The following TEX101 variants were observed in gnomAD, a reference collection of about 807,000 sequenced individuals.
TEX101 encodes testis-expressed protein 101.
In TEX101, 10 loss-of-function variants were observed where a neutral mutation model predicts 18.1. The observed-to-expected ratio is 0.55, with a 90% CI of 0.34 to 0.94. The LOEUF is 0.94. Among genes scored for constraint, TEX101 ranks in the 40% least tolerant of loss-of-function variants. The pLI is 0.02. For missense variants in TEX101, 259 were observed against 298.9 expected (o/e 0.87, Z 0.98); for synonymous variants, 94 against 114.8 (o/e 0.82, Z 1.16).
chr19:43,404,951 A>G (rs929856639), intron 2 of TEX101, among the ~76,000 whole-genome samples: 2 of 152,292 alleles, frequency 1.3e-5, no homozygotes, highest in Admixed American at 1.3e-4. Flanking sequence ...AGAACTGATC[A>G]CAGATAGAAG....
chr19:43,395,823 G>A, the TEX101 span, among the ~76,000 whole-genome samples: 1 of 152,224 alleles, frequency 6.6e-6, no homozygotes, highest in Non-Finnish European at 1.5e-5. Context: ...TCAGGTCCAG[G>A]TGTTGCTCAT....
Position 43,404,676 on chromosome 19 carries a change from T to C in TEX101, c.-282-1547T>C, listed in dbSNP as rs1970346185. ...ATACATGTGTATGTATGTGTGTGCGTGTATCCTAATTATTTGCCTGTGTAT... is the reference window on the plus strand; with the variant it reads ...ATACATGTGTATGTATGTGTGTGCGCGTATCCTAATTATTTGCCTGTGTAT... On this transcript the variant is annotated intron_variant, in intron 2 of 7. Coordinates refer to the TEX101 transcript ENST00000602198. Among the ~76,000 whole-genome samples the C allele has an allele frequency of 2.0e-5, 3 of 151,878 alleles. No individual in the cohort carries two copies. In the South Asian group the frequency reaches 6.2e-4, roughly 31 times the overall value.
the TEX101 span, among the ~76,000 whole-genome samples, chr19:43,391,644 C>T: frequency 1.3e-5 from 2 of 152,088 alleles, no homozygotes; most frequent in Admixed American, 6.5e-5. Flanking sequence ...TGGAAACCTT[C>T]CCGGGTGCAC....
rs772260833 is a variant in TEX101 at position 43,418,572 on chromosome 19, G to A, written c.*175G>A. On this transcript the variant is annotated 3_prime_UTR_variant, in exon 6 of 6. Transcript: ENST00000598265. ...GCTATAATTTTTGTATGCAGTAGGC[G>A]TTACTAATAAACATTTCTGCTGTGA... The A allele has an allele frequency of 2.2e-5, 13 of 594,538 alleles. No individual in the cohort carries two copies. Among genetic ancestry groups the A allele is most frequent in the Admixed American group, 6.5e-5 (2 of 30,960 alleles). 36.8% of individuals were successfully genotyped at this position (594,538 alleles called of 1,614,324 possible).
chr19:43,397,793 T>C (rs1970280466), upstream of TEX101, among the ~76,000 whole-genome samples: 1 of 120,058 alleles, frequency 8.3e-6, no homozygotes, highest in African/African-American at 3.0e-5. Flanking sequence ...TATATTTTTA[T>C]ATATTTATAT....
chr19:43,404,175 C>G (rs1431371044), intron 2 of TEX101, among the ~76,000 whole-genome samples: 1 of 146,724 alleles, frequency 6.8e-6, no homozygotes, highest in African/African-American at 2.5e-5. Context: ...ACAACTCTGG[C>G]TGATTCTTTA....
At chr19:43,395,687 G>A in the TEX101 span, among the ~76,000 whole-genome samples, 7 of 152,220 alleles carry the variant, frequency 4.6e-5, no homozygotes, top group Non-Finnish European at 1.0e-4. Context: ...CAGGTAGGCT[G>A]AACGACGCCT....
upstream of TEX101, among the ~76,000 whole-genome samples, chr19:43,411,795 C>T (rs1046727067): frequency 3.9e-5 from 6 of 152,036 alleles, no homozygotes; most frequent in Admixed American, 1.3e-4. Context: ...GGATTACAGG[C>T]GCGTGCCACC....
the TEX101 span, among the ~76,000 whole-genome samples, chr19:43,393,587 A>G: frequency 6.7e-6 from 1 of 148,342 alleles, no homozygotes; most frequent in African/African-American, 2.6e-5. Context: ...CAGTACTTAC[A>G]GCAGTCAGCA....
intron 2 of TEX101, among the ~76,000 whole-genome samples, chr19:43,405,937 T>C (rs1970357074): frequency 6.6e-6 from 1 of 151,336 alleles, no homozygotes; most frequent in African/African-American, 2.4e-5. Context: ...TAAAATAAAA[T>C]GGAAGGATAC....
chr19:43,392,969 A>T, the TEX101 span, among the ~76,000 whole-genome samples: 1 of 151,986 alleles, frequency 6.6e-6, no homozygotes, highest in Non-Finnish European at 1.5e-5. Flanking sequence ...GAGGCAGGAG[A>T]GTCACTTGAA....
the TEX101 span, among the ~76,000 whole-genome samples, chr19:43,389,101 C>T: frequency 7.2e-5 from 11 of 152,272 alleles, no homozygotes; most frequent in East Asian, 1.9e-3. Context: ...AGCTCAAATA[C>T]CCACCTTGGG....
upstream of TEX101, among the ~76,000 whole-genome samples, chr19:43,398,249 T>A (rs554004234): frequency 1.0e-3 from 117 of 116,942 alleles, 1 homozygote; most frequent in African/African-American, 3.3e-3. Context: ...AAATATATAA[T>A]ATATATAATA....
At chr19:43,415,221 G>A (rs1970460486) in intron 1 of TEX101, among the ~76,000 whole-genome samples, 183 bp downstream of exon 1, 2 of 146,816 alleles carry the variant, frequency 1.4e-5, no homozygotes, top group Admixed American at 6.7e-5. Flanking sequence ...GGGTTCTGAT[G>A]AGGCTGGGGC....
At chr19:43,411,093 T>G (rs974964031), upstream of TEX101, among the ~76,000 whole-genome samples, 24 of 152,160 alleles carry the variant, frequency 1.6e-4, no homozygotes, top group African/African-American at 5.6e-4. Context: ...TTTGGTTTTT[T>G]TGAAACAGAG....
chr19:43,412,376 A>G (rs1364468866), upstream of TEX101, among the ~76,000 whole-genome samples: 1 of 152,054 alleles, frequency 6.6e-6, no homozygotes, highest in East Asian at 1.9e-4. Flanking sequence ...TGCCCCCATA[A>G]CCCAAACACC....
chr19:43,408,435 C>A (rs958552389), intron 3 of TEX101, among the ~76,000 whole-genome samples: 26 of 152,260 alleles, frequency 1.7e-4, no homozygotes, highest in African/African-American at 6.3e-4. Context: ...AGCCGTGGGC[C>A]GGTAGGCGGG....
At chr19:43,405,549 CAAAAAAAAAAAAAAA>C (rs1163062557) in intron 2 of TEX101, among the ~76,000 whole-genome samples, 3 of 38,490 alleles carry the variant, frequency 7.8e-5, no homozygotes, top group African/African-American at 1.9e-4. Context: ...AACTCTGTCT[CAAAAAAAAAAAAAAA>C]AAAAAAAAAA....
intron 2 of TEX101, among the ~76,000 whole-genome samples, chr19:43,403,996 G>A (rs1441018590): frequency 3.4e-5 from 5 of 146,672 alleles, no homozygotes; most frequent in East Asian, 2.1e-4. Context: ...CCAAGATCAC[G>A]CCACTGCACT....
Sources: allele counts gnomAD v4.1 joint callset (sites outside exome capture counted in the v4.1 genomes callset), GRCh38; gene constraint gnomAD v4.1.1; transcripts MANE v1.5; gene names NCBI Gene and HGNC (gene_info 2026-07-23, HGNC 2026-07-21).